ASAH2: variants seen among roughly 807,000 people sequenced by gnomAD.
The protein encoded by ASAH2 is neutral ceramidase.
ASAH2 carries 58 observed loss-of-function variants against 82.9 expected under a neutral mutation model. The observed-to-expected ratio is 0.70, with a 90% CI of 0.57 to 0.87. The LOEUF is 0.87. Ranked by LOEUF, ASAH2 falls within the 40% of genes least tolerant of loss-of-function variation. The pLI, the probability that ASAH2 is intolerant of heterozygous loss-of-function variation, is 0.00. For synonymous variants in ASAH2, 276 were observed against 289.7 expected (o/e 0.95, Z 0.48); for missense variants, 779 against 834.0 (o/e 0.93, Z 0.81).
At chr10:50,188,662 TA>T (rs1173203141) in intron 20 of ASAH2, among the ~76,000 whole-genome samples, 1 of 124,672 alleles carries the variant, frequency 8.0e-6, no homozygotes, top group East Asian at 2.1e-4. Flanking sequence ...ACCTATACTC[TA>T]CAGCTCTAAA....
At chr10:50,216,099 T>C (rs1433591347) in intron 8 of ASAH2, among the ~76,000 whole-genome samples, 2 of 147,004 alleles carry the variant, frequency 1.4e-5, no homozygotes, top group South Asian at 2.2e-4. Context: ...TAAGTGGGAG[T>C]TGAACAATGA....
chr10:50,250,718 T>C (rs1270626573), intron 1 of ASAH2, among the ~76,000 whole-genome samples: 1 of 152,196 alleles, frequency 6.6e-6, no homozygotes, highest in African/African-American at 2.4e-5. Flanking sequence ...GTAAATGTGG[T>C]CATGTGTTAG....
intron 7 of ASAH2, among the ~76,000 whole-genome samples, chr10:50,219,501 T>C (rs1298118330): frequency 1.3e-5 from 2 of 151,912 alleles, no homozygotes; most frequent in African/African-American, 4.8e-5. Flanking sequence ...ATTTACAGAG[T>C]GGAAGGCAGT....
chr10:50,233,075 C>T lies in ASAH2; in HGVS notation c.893+109G>A, dbSNP rs891635110. 1.7e-5 allele frequency: 16 copies of T among 933,940 alleles called. No homozygotes were observed. The African/African-American group carries it at 2.1e-4, about 12-fold the overall frequency. 57.9% of individuals were successfully genotyped at this position (933,940 alleles called of 1,614,324 possible). A position where few individuals can be genotyped will look rare whatever the true frequency, so the allele number is the denominator to read the frequency against. On this transcript the variant is annotated intron_variant, in intron 7 of 20. Transcript: ENST00000682911. Reference sequence around the variant, plus strand: ...TGACTTCAGAACCTGGACTCTTAACCACACAACTTATTCTCAGTGTGTGCT... The same window carrying T: ...TGACTTCAGAACCTGGACTCTTAACTACACAACTTATTCTCAGTGTGTGCT...
intron 7 of ASAH2, among the ~76,000 whole-genome samples, chr10:50,221,110 G>C (rs994042189): frequency 6.6e-6 from 1 of 152,162 alleles, no homozygotes; most frequent in African/African-American, 2.4e-5. Flanking sequence ...CATTTATTGG[G>C]CTGAAGATAT....
intron 12 of ASAH2, 66 bp downstream of exon 12, chr10:50,210,757 G>T (rs1008309759): frequency 3.0e-5 from 38 of 1,283,818 alleles, no homozygotes; most frequent in Non-Finnish European, 4.1e-5. Flanking sequence ...AATGAAACCT[G>T]ATCAGAGAAC....
chr10:50,232,736 A>T (rs1846050311), intron 7 of ASAH2, among the ~76,000 whole-genome samples: 3 of 152,032 alleles, frequency 2.0e-5, no homozygotes, highest in Admixed American at 1.3e-4. Flanking sequence ...CCTGCATTGG[A>T]CTTAATCCTT....
intron 1 of ASAH2, among the ~76,000 whole-genome samples, chr10:50,249,577 T>C (rs145797255): frequency 6.6e-6 from 1 of 152,358 alleles, no homozygotes; most frequent in African/African-American, 2.4e-5. Context: ...AGCTTCACCA[T>C]CTATAAATAG....
chr10:50,241,418 T>C (rs1760019770), intron 4 of ASAH2, among the ~76,000 whole-genome samples: 1 of 152,170 alleles, frequency 6.6e-6, no homozygotes, highest in Admixed American at 6.5e-5. Context: ...ATCCACCACC[T>C]AGAAAATGAC....
rs1589312947 is a variant in ASAH2 at position 50,184,999 on chromosome 10, C to T, written c.*2316G>A. ...AAAGAAGTCAAAAAATCCTTAAAAC[C>T]AGAGTAGGCAGGGTACAGCAAATAA... is the stretch of plus-strand genomic sequence containing the variant. On this transcript the variant is annotated 3_prime_UTR_variant, in exon 21 of 21. Transcript: ENST00000682911. 5 of 151,570 alleles carry T rather than the reference C, an allele frequency of 3.3e-5. No individual in the cohort carries two copies. The East Asian group carries it at 9.8e-4, about 30-fold the overall frequency. 9.4% of individuals were successfully genotyped at this position (151,570 alleles called of 1,614,324 possible).
intron 7 of ASAH2, among the ~76,000 whole-genome samples, chr10:50,224,387 A>G (rs1019763151): frequency 2.6e-5 from 4 of 152,000 alleles, no homozygotes; most frequent in Non-Finnish European, 4.4e-5. Context: ...ATATATATAT[A>G]TACAAATATA....
chr10:50,216,391 T>C (rs980320241), intron 8 of ASAH2, among the ~76,000 whole-genome samples: 5 of 152,192 alleles, frequency 3.3e-5, no homozygotes, highest in African/African-American at 1.2e-4. Flanking sequence ...ATACATATTA[T>C]TACTGAAAAT....
intron 7 of ASAH2, among the ~76,000 whole-genome samples, chr10:50,221,117 A>G (rs1845733209): frequency 6.6e-6 from 1 of 152,202 alleles, no homozygotes; most frequent in African/African-American, 2.4e-5. Flanking sequence ...TGGGCTGAAG[A>G]TATTCTAAGA....
Position 50,245,406 on chromosome 10 carries a change from T to TG in ASAH2, c.175dup (p.Gln59ProfsTer52). ...GGAGCGTTGGGCAGCTGTGGAGCCCTGGGTGGCTGGAGGGCTTTGGGTGGT... is the reference window on the plus strand; with the variant it reads ...GGAGCGTTGGGCAGCTGTGGAGCCCTGGGGTGGCTGGAGGGCTTTGGGTGGT... On this transcript the variant is annotated frameshift_variant, in exon 3 of 21. Transcript: ENST00000682911. LOFTEE classifies it high-confidence loss of function. 6.2e-7 allele frequency: 1 copy of TG among 1,613,928 alleles called. No homozygotes were observed. Among genetic ancestry groups the TG allele is most frequent in the Non-Finnish European group, 8.5e-7 (1 of 1,179,956 alleles).
chr10:50,244,840 T>C (rs1846402354), intron 3 of ASAH2, among the ~76,000 whole-genome samples: 1 of 96,056 alleles, frequency 1.0e-5, no homozygotes, highest in Non-Finnish European at 1.8e-5. Flanking sequence ...TTATTTGTGC[T>C]TTTTTTTTCC....
At chr10:50,248,956 C>T (rs924028315) in intron 1 of ASAH2, among the ~76,000 whole-genome samples, 1 of 152,232 alleles carries the variant, frequency 6.6e-6, no homozygotes, top group African/African-American at 2.4e-5. Flanking sequence ...CCATATCACA[C>T]TGCTTTCATT....
intron 16 of ASAH2, among the ~76,000 whole-genome samples, chr10:50,201,788 G>A (rs993521034): frequency 6.6e-6 from 1 of 152,116 alleles, no homozygotes; most frequent in Non-Finnish European, 1.5e-5. Flanking sequence ...CCAATGTTGT[G>A]ATACAGTAAT....
Position 50,234,558 on chromosome 10 carries a change from G to A in ASAH2, c.688-6C>T. 6.2e-7 allele frequency: 1 copy of A among 1,612,616 alleles called. No individual in the cohort carries two copies. The highest frequency in any genetic ancestry group is 1.1e-5 in the South Asian group (1 of 91,052). Reference sequence around the variant, plus strand: ...GTGTGTGCTATGTCAATGCTCTGAAGGTTAAAAAAGAGGGGGATGTTATAA... The same window carrying A: ...GTGTGTGCTATGTCAATGCTCTGAAAGTTAAAAAAGAGGGGGATGTTATAA... On this transcript the variant is annotated splice_region_variant and splice_polypyrimidine_tract_variant and intron_variant, in intron 5 of 20. Transcript: ENST00000682911.
At chr10:50,232,293 ATACT>A (rs1846039627) in intron 7 of ASAH2, among the ~76,000 whole-genome samples, 2 of 152,158 alleles carry the variant, frequency 1.3e-5, no homozygotes, top group African/African-American at 4.8e-5. Flanking sequence ...AACATTTTAA[ATACT>A]TACTTTATCC....
Sources: allele counts gnomAD v4.1 joint callset (sites outside exome capture counted in the v4.1 genomes callset), GRCh38; gene constraint gnomAD v4.1.1; transcripts MANE v1.5; gene names NCBI Gene and HGNC (gene_info 2026-07-23, HGNC 2026-07-21).